Variants in PRAMEF9 observed in about 807,000 individuals in gnomAD.
The protein encoded by PRAMEF9 is PRAME family member 9.
Under a neutral mutation model 10.9 loss-of-function variants are expected in PRAMEF9, and 1 was observed. The observed-to-expected ratio is 0.09, with a 90% CI of 0.03 to 0.44. The LOEUF (loss-of-function observed/expected upper bound fraction) is 0.44. PRAMEF9 is among the 20% of genes least tolerant of loss of function. The pLI is 0.97. For synonymous variants in PRAMEF9, 40 were observed against 148.3 expected (o/e 0.27, Z 5.31); for missense variants, 126 against 379.8 (o/e 0.33, Z 5.55).
At position 13,172,351 on chromosome 1, in the gene PRAMEF9, G is replaced by T. The variant is rs1336917388; in HGVS notation, c.-198G>T. ...GAGTGGAGCTTCACAAATGCAATCA[G>T]ATATCATTTTTTGATTGGAAGCTAG... On this transcript the variant is annotated 5_prime_UTR_variant, in exon 1 of 4. Transcript: ENST00000415919. The T allele has an allele frequency of 6.9e-6, 1 of 144,594 alleles. No individual in the cohort carries two copies. The highest frequency in any genetic ancestry group is 1.6e-5 in the Non-Finnish European group (1 of 63,964). 9.0% of individuals were successfully genotyped at this position (144,594 alleles called of 1,614,324 possible). A position where few individuals can be genotyped will look rare whatever the true frequency, so the allele number is the denominator to read the frequency against.
In PRAMEF9 at chr1:13,178,948, C is replaced by T. The variant is rs537132894; in HGVS notation, c.1253C>T (p.Pro418Leu). 4.3e-4 allele frequency: 656 copies of T among 1,534,540 alleles called. 104 individuals are homozygous for T. The highest frequency in any genetic ancestry group is 5.2e-4 in the Non-Finnish European group (580 of 1,120,098). Residue 418 changes from proline to leucine, a missense_variant, in exon 4 of 4, where the codon CCG (proline) becomes CTG (leucine). Physicochemically the swap from Pro to Leu is moderately conservative, Grantham distance 98. Transcript: ENST00000415919. ...KNLCVEVYPA[P>L]RESYGADGTL... Reference sequence around the variant, plus strand: ...TTATGCGTGGAGGTGTATCCTGCCCCGCGGGAGAGTTATGGTGCTGATGGT... The same window carrying T: ...TTATGCGTGGAGGTGTATCCTGCCCTGCGGGAGAGTTATGGTGCTGATGGT...
chr1:13,171,900 A>C lies in PRAMEF9; in HGVS notation c.-649A>C, dbSNP rs1331516586. On this transcript the variant is annotated 5_prime_UTR_variant, in exon 1 of 4. Transcript: ENST00000415919. ...TTTCTTTTTTTTTTTTTTTTTTTTTAAATCTAGCCTATTTCCCAGGCTGGA... is the reference window on the plus strand; with the variant it reads ...TTTCTTTTTTTTTTTTTTTTTTTTTCAATCTAGCCTATTTCCCAGGCTGGA... The C allele has an allele frequency of 2.5e-5, 3 of 119,186 alleles. No individual in the cohort carries two copies. Among genetic ancestry groups the C allele is most frequent in the African/African-American group, 8.7e-5 (3 of 34,538 alleles). 7.4% of individuals were successfully genotyped at this position (119,186 alleles called of 1,614,324 possible).
rs879020209 is a variant in PRAMEF9 at position 13,172,020 on chromosome 1, G to T, written c.-529G>T. 0.53 allele frequency: 73,500 copies of T among 139,312 alleles called. 18,618 individuals are homozygous for T. The highest frequency in any genetic ancestry group is 0.58 in the Non-Finnish European group (36,328 of 62,184). 8.6% of individuals were successfully genotyped at this position (139,312 alleles called of 1,614,324 possible). A position where few individuals can be genotyped will look rare whatever the true frequency, so the allele number is the denominator to read the frequency against. On this transcript the variant is annotated 5_prime_UTR_variant, in exon 1 of 4. Transcript: ENST00000415919. ...CTCCCTAGTAGCCTGGACTATAGGC[G>T]CAGACCACCGCAACTGGCTAATTTT...
At chr1:13,177,029 A>C (rs1271527105) in intron 3 of PRAMEF9, 1 of 368,124 alleles carries the variant, frequency 2.7e-6, no homozygotes, top group African/African-American at 2.2e-5. Flanking sequence ...GCTAGGGGAG[A>C]TGCTATAGAG....
At position 13,175,360 on chromosome 1, in the gene PRAMEF9, T is replaced by C. The variant is rs1638367662; in HGVS notation, c.80T>C (p.Met27Thr). 1.5e-6 allele frequency: 2 copies of C among 1,299,942 alleles called. 1 individual carries two copies. The highest frequency in any genetic ancestry group is 2.2e-6 in the Non-Finnish European group (2 of 923,604). The allele number at this position is 1,299,942 out of a possible 1,614,324, so 80.5% of individuals were successfully genotyped here. ...RSLLRDQALA[M>T]STLEELPTEL... ...CTGCTGAGGGACCAAGCCTTGGCCA[T>C]GTCCACCCTGGAGGAGCTGCCCACA... is the stretch of plus-strand genomic sequence containing the variant. The change falls in exon 2 of 4, where the codon ATG becomes ACG. Residue 27 changes from methionine (M) to threonine (T), a missense_variant. Transcript: ENST00000415919.
At position 13,172,329 on chromosome 1, in the gene PRAMEF9, TGGAGC is replaced by T. The variant is rs1186779692; in HGVS notation, c.-219_-215del. On this transcript the variant is annotated 5_prime_UTR_variant, in exon 1 of 4. It removes the in-frame stop codon of an upstream open reading frame in the 5' UTR. Transcript: ENST00000415919. The stretch of plus-strand genomic sequence containing the variant: ...CCCAATCAGGATTACCTGGGTGGAG[TGGAGC>T]TTCACAAATGCAATCAGATATCATT... 12 of 123,160 alleles carry T rather than the reference TGGAGC, an allele frequency of 9.7e-5. No homozygotes were observed. The highest frequency in any genetic ancestry group is 3.1e-4 in the African/African-American group (12 of 38,162). The allele number at this position is 123,160 out of a possible 1,614,324, so 7.6% of individuals were successfully genotyped here.
intron 1 of PRAMEF9, chr1:13,172,881 T>G (rs1161532650): frequency 7.8e-5 from 11 of 140,544 alleles, no homozygotes; most frequent in African/African-American, 2.7e-4. Flanking sequence ...CAACGTTTTT[T>G]TTGAGGGTGG....
rs1344245616 is a variant in PRAMEF9 at position 13,171,979 on chromosome 1, A to C, written c.-570A>C. 1 of 137,402 alleles carries C rather than the reference A, an allele frequency of 7.3e-6. No homozygotes were observed. Among genetic ancestry groups the C allele is most frequent in the African/African-American group, 2.5e-5 (1 of 39,622 alleles). 8.5% of individuals were successfully genotyped at this position (137,402 alleles called of 1,614,324 possible). ...AACCTCTGCCTCCTGGGTTCAAGGG[A>C]TCCTCCTGTCTCAGCCTCCCTAGTA... On this transcript the variant is annotated 5_prime_UTR_variant, in exon 1 of 4. Transcript: ENST00000415919.
chr1:13,179,029 G>A lies in PRAMEF9; in HGVS notation c.1334G>A (p.Arg445Lys), dbSNP rs1420757343. ...AGGGCTGAGCTGATGAACAGAGTGA[G>A]GGACTTAAGGCACCCCAAGAGGATC... ...QIRAELMNRV[R>K]DLRHPKRIFF... The change falls in exon 4 of 4, where the codon AGG becomes AAG. Residue 445 changes from arginine to lysine, a missense_variant. Arg to Lys is a conservative substitution (Grantham distance 26). Coordinates refer to ENST00000415919, the MANE Select transcript of PRAMEF9 (RefSeq NM_001010890.3). 6.5e-7 allele frequency: 1 copy of A among 1,541,614 alleles called. No individual in the cohort carries two copies. Among genetic ancestry groups the A allele is most frequent in the Non-Finnish European group, 8.9e-7 (1 of 1,122,986 alleles).
At chr1:13,172,749 C>A (rs1339763052) in intron 1 of PRAMEF9, 1 of 139,870 alleles carries the variant, frequency 7.1e-6, no homozygotes, top group South Asian at 2.3e-4. Context: ...TTTTAAAATT[C>A]TTGAAGGGAG....
intron 1 of PRAMEF9, 108 bp downstream of exon 1, chr1:13,172,640 T>C (rs1423278083): frequency 7.4e-6 from 1 of 135,334 alleles, no homozygotes; most frequent in African/African-American, 2.5e-5. Context: ...CTGTCCTTTT[T>C]TATATATATA....
rs1306780783 is a variant in PRAMEF9, at chr1:13,172,238, G to A, written c.-311G>A. On this transcript the variant is annotated 5_prime_UTR_variant, in exon 1 of 4. In the 5' UTR this introduces an upstream ATG that the reference lacks. Coordinates refer to ENST00000415919, the MANE Select transcript of PRAMEF9 (RefSeq NM_001010890.3). ...CACTGTCAATTTCTTGCTTCGTGAA[G>A]TGAATATAGATATGTGATATGAATG... The A allele has an allele frequency of 2.1e-5, 3 of 144,736 alleles. No individual in the cohort carries two copies. Among genetic ancestry groups the A allele is most frequent in the Non-Finnish European group, 3.1e-5 (2 of 64,032 alleles). The allele number at this position is 144,736 out of a possible 1,614,324, so 9.0% of individuals were successfully genotyped here.
Position 13,175,592 on chromosome 1 carries a change from G to C in PRAMEF9, c.293+19G>C. ...GTCCCAGGTGAGGTGGCCCAGGTGG[G>C]CTGGTGGGGAGGGCCCAGGTGTCCA... On this transcript the variant is annotated intron_variant, in intron 2 of 3. Transcript: ENST00000415919. 1 of 1,521,242 alleles carries C rather than the reference G, an allele frequency of 6.6e-7. No individual in the cohort carries two copies. The highest frequency in any genetic ancestry group is 1.1e-5 in the South Asian group (1 of 88,170). The allele number at this position is 1,521,242 out of a possible 1,614,324, so 94.2% of individuals were successfully genotyped here.
chr1:13,171,951 T>C lies in PRAMEF9; in HGVS notation c.-598T>C, dbSNP rs1638320690. The C allele has an allele frequency of 7.1e-6, 1 of 140,334 alleles. No homozygotes were observed. Among genetic ancestry groups the C allele is most frequent in the Admixed American group, 7.3e-5 (1 of 13,616 alleles). 8.7% of individuals were successfully genotyped at this position (140,334 alleles called of 1,614,324 possible). On this transcript the variant is annotated 5_prime_UTR_variant, in exon 1 of 4. Transcript: ENST00000415919. ...GTTCAGTGGTGTATTGTCAGCTCAC[T>C]GCAACCTCTGCCTCCTGGGTTCAAG...
intron 1 of PRAMEF9, 121 bp downstream of exon 1, chr1:13,172,653 T>C (rs1638339879): frequency 7.4e-6 from 1 of 135,076 alleles, no homozygotes; most frequent in Non-Finnish European, 1.7e-5. Flanking sequence ...TATATATATA[T>C]GAACAATTTG....
rs1181421871 is a variant in PRAMEF9 at position 13,172,516 on chromosome 1, A to C, written c.-33A>C. 10 of 140,760 alleles carry C rather than the reference A, an allele frequency of 7.1e-5. 1 individual carries two copies. The highest frequency in any genetic ancestry group is 1.4e-4 in the Non-Finnish European group (9 of 62,254). The allele number at this position is 140,760 out of a possible 1,614,324, so 8.7% of individuals were successfully genotyped here. ...CTTCCTGAGGTCTGAGCACCTTCTAAACTACATCCAGATCTGGTAAGTCAC... is the reference window on the plus strand; with the variant it reads ...CTTCCTGAGGTCTGAGCACCTTCTACACTACATCCAGATCTGGTAAGTCAC... On this transcript the variant is annotated 5_prime_UTR_variant, in exon 1 of 4. Coordinates refer to ENST00000415919, the MANE Select transcript of PRAMEF9 (RefSeq NM_001010890.3).
In PRAMEF9 at chr1:13,179,115, G is replaced by C. The variant is rs1638438231; in HGVS notation, c.1420G>C (p.Asp474His). The change falls in exon 4 of 4, where the codon GAT (aspartate) becomes CAT (histidine). Residue 474 changes from aspartate (D) to histidine (H), a missense_variant. Transcript: ENST00000415919. ...GNRSFYDLEA[D>H]QYCC ...CAGGTCATTTTATGACCTGGAGGCA[G>C]ATCAATACTGCTGTTGAATGCCTGC... 6.5e-7 allele frequency: 1 copy of C among 1,540,356 alleles called. No individual in the cohort carries two copies. The highest frequency in any genetic ancestry group is 2.4e-5 in the East Asian group (1 of 42,048).
chr1:13,171,909 C>G lies in PRAMEF9; in HGVS notation c.-640C>G. ...TTTTTTTTTTTTTTTTAAATCTAGC[C>G]TATTTCCCAGGCTGGAGTTCAGTGG... On this transcript the variant is annotated 5_prime_UTR_variant, in exon 1 of 4. Coordinates refer to ENST00000415919, the MANE Select transcript of PRAMEF9 (RefSeq NM_001010890.3). The G allele has an allele frequency of 8.0e-6, 1 of 125,128 alleles. No homozygotes were observed. The highest frequency in any genetic ancestry group is 2.4e-4 in the South Asian group (1 of 4,084). 7.8% of individuals were successfully genotyped at this position (125,128 alleles called of 1,614,324 possible).
At position 13,172,146 on chromosome 1, in the gene PRAMEF9, A is replaced by T. The variant is rs1638328856; in HGVS notation, c.-403A>T. 1 of 144,508 alleles carries T rather than the reference A, an allele frequency of 6.9e-6. No homozygotes were observed. Among genetic ancestry groups the T allele is most frequent in the African/African-American group, 2.4e-5 (1 of 41,000 alleles). 9.0% of individuals were successfully genotyped at this position (144,508 alleles called of 1,614,324 possible). On this transcript the variant is annotated 5_prime_UTR_variant, in exon 1 of 4. Transcript: ENST00000415919. The stretch of plus-strand genomic sequence containing the variant: ...TGCCTCTGCCTCCCACAGTGCTGGG[A>T]TTACAGGTGTGAGCCACTTCGTCTG...
Sources: gnomAD v4.1 joint callset for allele counts on GRCh38, gnomAD v4.1.1 for gene constraint, MANE v1.5 for transcripts, NCBI Gene and HGNC (gene_info 2026-07-23, HGNC 2026-07-21) for gene names.